The following LARGE1 variants were observed in gnomAD, a reference collection of about 807,000 sequenced individuals.
LARGE1 encodes xylosyl- and glucuronyltransferase LARGE1.
In LARGE1, 43 loss-of-function variants were observed where a neutral mutation model predicts 87.6. The ratio of observed to expected loss-of-function variants is 0.49; its 90% CI spans 0.38 to 0.63. LARGE1 has a LOEUF of 0.63. LARGE1 is among the 30% of genes least tolerant of loss of function. LARGE1 has a pLI of 0.00. For synonymous variants in LARGE1, 434 were observed against 394.6 expected, an observed-to-expected ratio of 1.10 and a Z score of -1.18; for missense variants, 802 against 1,000.2, an observed-to-expected ratio of 0.80 and a Z score of 2.67.
At chr22:33,779,468 T>C (rs1263118578) in intron 1 of LARGE1, among the ~76,000 whole-genome samples, 1 of 152,160 alleles carries the variant, frequency 6.6e-6, no homozygotes, top group Non-Finnish European at 1.5e-5. Context: ...ATCAAGTTCC[T>C]AGCGACAGTT....
chr22:33,256,992 G>A (rs1278338278), intron 11 of LARGE1, among the ~76,000 whole-genome samples: 1 of 152,188 alleles, frequency 6.6e-6, no homozygotes, highest in Non-Finnish European at 1.5e-5. Flanking sequence ...GATCACCTGA[G>A]ATTGGGAGTT....
intron 7 of LARGE1, among the ~76,000 whole-genome samples, chr22:33,396,497 G>T (rs909122476): frequency 6.9e-6 from 1 of 145,794 alleles, no homozygotes; most frequent in Non-Finnish European, 1.5e-5. Context: ...GAGAGAGAGA[G>T]ATAGGGAAGG....
chr22:33,426,877 C>A (rs1358902233), intron 7 of LARGE1, among the ~76,000 whole-genome samples: 2 of 152,212 alleles, frequency 1.3e-5, no homozygotes, highest in East Asian at 3.8e-4. Context: ...GTGTTACACC[C>A]TTCAACTTGG....
At chr22:33,916,465 G>A (rs1452346882) in intron 1 of LARGE1, among the ~76,000 whole-genome samples, 2 of 152,136 alleles carry the variant, frequency 1.3e-5, no homozygotes, top group East Asian at 1.9e-4. Context: ...TACATTTAAC[G>A]AAGCCTTTCA....
At chr22:33,289,518 A>G (rs1413103337) in intron 12 of LARGE1, among the ~76,000 whole-genome samples, 6 of 152,200 alleles carry the variant, frequency 3.9e-5, no homozygotes, top group Non-Finnish European at 1.5e-5. Context: ...TAACTCATTA[A>G]CAAACAAGTC....
intron 3 of LARGE1, among the ~76,000 whole-genome samples, chr22:33,627,010 A>G (rs2079942773): frequency 6.6e-6 from 1 of 152,130 alleles, no homozygotes; most frequent in Non-Finnish European, 1.5e-5. Flanking sequence ...GGTGCTAAGG[A>G]GTGAGGGAAC....
At chr22:33,632,713 T>A (rs2080148616) in intron 3 of LARGE1, among the ~76,000 whole-genome samples, 1 of 152,150 alleles carries the variant, frequency 6.6e-6, no homozygotes, top group South Asian at 2.1e-4. Context: ...TGAGGACCTT[T>A]CCTCAGCATC....
At chr22:33,451,202 C>A (rs2067904643) in intron 6 of LARGE1, among the ~76,000 whole-genome samples, 1 of 152,062 alleles carries the variant, frequency 6.6e-6, no homozygotes, top group Admixed American at 6.5e-5. Context: ...CCGATGGAGG[C>A]ATCCAAGTTC....
At chr22:33,450,368 G>A (rs1400293110) in intron 6 of LARGE1, among the ~76,000 whole-genome samples, 1 of 151,486 alleles carries the variant, frequency 6.6e-6, no homozygotes, top group Non-Finnish European at 1.5e-5. Context: ...TTGGGAGGCC[G>A]AGGCAGGCAG....
intron 6 of LARGE1, among the ~76,000 whole-genome samples, chr22:33,452,171 CTTG>C (rs1159041424): frequency 2.0e-5 from 3 of 152,190 alleles, no homozygotes; most frequent in African/African-American, 7.2e-5. Flanking sequence ...AAATTCCTGC[CTTG>C]TTGGCACTTT....
chr22:33,463,126 T>A (rs907549954), intron 6 of LARGE1, among the ~76,000 whole-genome samples: 1 of 151,166 alleles, frequency 6.6e-6, no homozygotes, highest in African/African-American at 2.4e-5. Flanking sequence ...AAGCACAATA[T>A]CAAGTGGCAG....
chr22:33,729,497 T>G (rs539045760), intron 2 of LARGE1, among the ~76,000 whole-genome samples: 3 of 152,350 alleles, frequency 2.0e-5, no homozygotes, highest in South Asian at 4.1e-4. Context: ...TCATGAGAGA[T>G]AAATATGCTA....
chr22:33,183,910 T>A (rs1305455907), intron 11 of LARGE1, among the ~76,000 whole-genome samples: 3 of 151,804 alleles, frequency 2.0e-5, no homozygotes, highest in Non-Finnish European at 2.9e-5. Context: ...ATAAAATGAA[T>A]TAAGTTCTGG....
chr22:33,879,473 G>A (rs2064598297), intron 1 of LARGE1, among the ~76,000 whole-genome samples: 1 of 152,194 alleles, frequency 6.6e-6, no homozygotes. Flanking sequence ...CAGCTAGTAA[G>A]TGGCAGAGTA....
At chr22:33,711,442 G>T (rs2149403804) in intron 2 of LARGE1, among the ~76,000 whole-genome samples, 1 of 152,300 alleles carries the variant, frequency 6.6e-6, no homozygotes, top group Middle Eastern at 3.4e-3. Flanking sequence ...TAGACCATGG[G>T]TCTGAAGGAT....
chr22:33,346,277 T>TTCC (rs139892437), intron 9 of LARGE1, among the ~76,000 whole-genome samples: 10 of 149,516 alleles, frequency 6.7e-5, no homozygotes, highest in East Asian at 2.0e-4. Context: ...CTCTCTTTCT[T>TTCC]TCCTCCTCCT....
chr22:33,268,936 T>C (rs1928100599), downstream of LARGE1, among the ~76,000 whole-genome samples: 1 of 152,218 alleles, frequency 6.6e-6, no homozygotes, highest in Non-Finnish European at 1.5e-5. Context: ...TAATATGCTA[T>C]ATAACATTAA....
In LARGE1 at chr22:33,687,123, G is replaced by C. The variant is rs367875610; in HGVS notation, c.107-36455C>G. ...ATATTCTTCCCTCAGATCTTTGCTT[G>C]GCTTCCTGCTCCAAGATGACCACCT... On this transcript the variant is annotated intron_variant, in intron 2 of 14. Coordinates refer to ENST00000397394, the MANE Select transcript of LARGE1 (RefSeq NM_133642.5). Among the ~76,000 whole-genome samples, 8 of 151,308 alleles carry C rather than the reference G, an allele frequency of 5.3e-5. No individual in the cohort carries two copies. The East Asian group carries it at 1.4e-3, about 26-fold the overall frequency.
intron 1 of LARGE1, among the ~76,000 whole-genome samples, chr22:33,785,699 C>A (rs1181435963): frequency 6.6e-6 from 1 of 152,152 alleles, no homozygotes; most frequent in African/African-American, 2.4e-5. Context: ...GCTTGTCAAA[C>A]AAAATGAGTT....
Sources: allele counts gnomAD v4.1 joint callset (sites outside exome capture counted in the v4.1 genomes callset), GRCh38; gene constraint gnomAD v4.1.1; transcripts MANE v1.5; gene names NCBI Gene and HGNC (gene_info 2026-07-23, HGNC 2026-07-21).